The following HM13 variants were observed in gnomAD, a reference collection of about 807,000 sequenced individuals.
HM13 encodes the protein signal peptide peptidase.
A neutral mutation model predicts 50.0 loss-of-function variants in HM13; 18 were observed. The ratio of observed to expected loss-of-function variants is 0.36; its 90% CI spans 0.25 to 0.53. The LOEUF (loss-of-function observed/expected upper bound fraction) is 0.53. Ranked by LOEUF, HM13 falls within the 20% of genes least tolerant of loss-of-function variation. The pLI is 0.90. For synonymous variants in HM13, 197 were observed against 232.6 expected (o/e 0.85, Z 1.39); for missense variants, 393 against 552.4 (o/e 0.71, Z 2.89).
chr20:31,548,758 C>A, intron 4 of HM13: 1 of 500,000 alleles, frequency 2.0e-6, no homozygotes, highest in South Asian at 2.6e-5. Context: ...GCTTCTAACA[C>A]CAAAGACCAC....
chr20:31,538,781 C>G (rs1161199921), intron 3 of HM13: 17 of 427,222 alleles, frequency 4.0e-5, no homozygotes, highest in Non-Finnish European at 5.0e-5. Context: ...GCCTCAATTT[C>G]CTGGTGAATG....
chr20:31,528,628 G>A lies in HM13; in HGVS notation c.282+1046G>A, dbSNP rs746070659. Among the ~76,000 whole-genome samples, 6 of 152,306 alleles carry A rather than the reference G, an allele frequency of 3.9e-5. No homozygotes were observed. The South Asian group carries it at 6.2e-4, about 16-fold the overall frequency. On this transcript the variant is annotated intron_variant, in intron 2 of 12. Transcript: ENST00000398174. ...TGAGTAGCTAGGATTACAGACGCGC[G>A]CCACCACGCCCAGCTAATTTTTGTA... is the stretch of plus-strand genomic sequence containing the variant.
Position 31,559,553 on chromosome 20 carries a change from G to A in HM13, c.809-58G>A. ...GTTGGGGACCAGGACCCAGTCTCCT[G>A]TTAGTTCACTGCCCTGCTGCTTCCC... On this transcript the variant is annotated intron_variant, in intron 8 of 12. Coordinates refer to ENST00000398174, the MANE Select transcript of HM13 (RefSeq NM_178581.3). The A allele has an allele frequency of 2.6e-6, 4 of 1,566,938 alleles. No individual in the cohort carries two copies. In the African/African-American group the frequency reaches 5.4e-5, roughly 21 times the overall value.
At chr20:31,551,156 T>G (rs981714449) in intron 7 of HM13, among the ~76,000 whole-genome samples, 1 of 152,184 alleles carries the variant, frequency 6.6e-6, no homozygotes, top group Non-Finnish European at 1.5e-5. Flanking sequence ...GGTTGAACCA[T>G]TTCAGATATG....
At chr20:31,558,407 A>G (rs979216999) in intron 8 of HM13, among the ~76,000 whole-genome samples, 14 of 150,484 alleles carry the variant, frequency 9.3e-5, no homozygotes, top group African/African-American at 3.4e-4. Context: ...TAAAGACCCA[A>G]CTCCTCCCCA....
At chr20:31,550,949 G>T (rs1984006994) in intron 7 of HM13, among the ~76,000 whole-genome samples, 1 of 152,102 alleles carries the variant, frequency 6.6e-6, no homozygotes, top group Non-Finnish European at 1.5e-5. Context: ...CTGCATTCCA[G>T]CCTGGATGAC....
At chr20:31,519,984 A>G (rs1339451812) in intron 1 of HM13, among the ~76,000 whole-genome samples, 4 of 151,314 alleles carry the variant, frequency 2.6e-5, no homozygotes. Flanking sequence ...AGTAGCTGGG[A>G]TTACAGGATT....
intron 2 of HM13, among the ~76,000 whole-genome samples, chr20:31,534,856 C>A (rs777431938): frequency 1.1e-4 from 16 of 152,010 alleles, no homozygotes; most frequent in Non-Finnish European, 2.4e-4. Flanking sequence ...GAGGCCGAGG[C>A]GGGCAGATCA....
At chr20:31,524,917 G>A (rs1476237978) in intron 1 of HM13, among the ~76,000 whole-genome samples, 2 of 151,816 alleles carry the variant, frequency 1.3e-5, no homozygotes, top group South Asian at 2.1e-4. Flanking sequence ...GTTTCACCAC[G>A]TTAGCCAGGA....
intron 8 of HM13, among the ~76,000 whole-genome samples, chr20:31,558,614 C>G (rs559123473): frequency 6.6e-6 from 1 of 152,338 alleles, no homozygotes; most frequent in South Asian, 2.1e-4. Flanking sequence ...CCCTGCCCAG[C>G]CTAGGTCTCA....
At chr20:31,536,700 TA>T (rs2122586352) in intron 2 of HM13, among the ~76,000 whole-genome samples, 1 of 152,254 alleles carries the variant, frequency 6.6e-6, no homozygotes, top group African/African-American at 2.4e-5. Flanking sequence ...AGGCCCTCTG[TA>T]GTCCCTGCAC....
intron 10 of HM13, among the ~76,000 whole-genome samples, chr20:31,565,812 G>A (rs915346002): frequency 6.6e-6 from 1 of 152,150 alleles, no homozygotes; most frequent in Non-Finnish European, 1.5e-5. Flanking sequence ...AGCAGCTGTG[G>A]TGTCATCATC....
rs1984623216 is a variant in HM13, at chr20:31,561,676, A to G, written c.888A>G (p.Ala296=). ...ACACCTACTTCTACACCAGCTTTGC[A>G]GCCTACATCTTCGGCCTGGGCCTTA... ...NTHTYFYTSF[A]AYIFGLGLTI... is the part of the protein sequence containing the mutation. The change falls in exon 10 of 13, where the codon GCA becomes GCG. Residue 296 remains alanine, a synonymous_variant. Transcript: ENST00000398174. 15 of 1,614,044 alleles carry G rather than the reference A, an allele frequency of 9.3e-6. No homozygotes were observed. Among genetic ancestry groups the G allele is most frequent in the Non-Finnish European group, 1.2e-5 (14 of 1,179,872 alleles).
intron 1 of HM13, among the ~76,000 whole-genome samples, chr20:31,519,912 A>G (rs1271471578): frequency 2.8e-5 from 4 of 143,910 alleles, no homozygotes; most frequent in African/African-American, 1.0e-4. Context: ...CGGTGGTGCC[A>G]TCTCAGCTCA....
In HM13 at chr20:31,556,630, C is replaced by T. The variant is rs566461065; in HGVS notation, c.808+1801C>T. ...CACTGTCCAACTGCAAAAAAGGCTA[C>T]GCTGTCAGAACTGCTCCTTACAGCA... On this transcript the variant is annotated intron_variant, in intron 8 of 12. Transcript: ENST00000398174. Among the ~76,000 whole-genome samples, 5 of 152,290 alleles carry T rather than the reference C, an allele frequency of 3.3e-5. No individual in the cohort carries two copies. The East Asian group carries it at 5.8e-4, about 18-fold the overall frequency.
At chr20:31,520,524 G>A (rs1343337437) in intron 1 of HM13, among the ~76,000 whole-genome samples, 2 of 151,620 alleles carry the variant, frequency 1.3e-5, no homozygotes, top group South Asian at 2.1e-4. Context: ...GGCTGGTCTC[G>A]AACTCTTGAC....
At chr20:31,549,371 G>A (rs370375714) in intron 6 of HM13, 39 bp downstream of exon 6, 4 of 1,612,992 alleles carry the variant, frequency 2.5e-6, no homozygotes, top group Non-Finnish European at 3.4e-6. Context: ...CTGGCTCCGG[G>A]GCCATCTCAT....
Position 31,569,250 on chromosome 20 carries a change from G to GCCCCC in HM13, c.*31_*32insCCCCC. ...CTGGTGCCCGAGCCTCTCAGGGCCA[G>GCCCCC]ACCAGACAGATGGGGGCTGGGCCCA... On this transcript the variant is annotated 3_prime_UTR_variant, in exon 13 of 13. Transcript: ENST00000398174. 7.0e-7 allele frequency: 1 copy of GCCCCC among 1,437,152 alleles called. No individual in the cohort carries two copies. The highest frequency in any genetic ancestry group is 1.5e-5 in the African/African-American group (1 of 68,744). 89.0% of individuals were successfully genotyped at this position (1,437,152 alleles called of 1,614,324 possible).
intron 1 of HM13, among the ~76,000 whole-genome samples, chr20:31,519,618 G>C (rs934167572): frequency 6.6e-6 from 1 of 152,168 alleles, no homozygotes; most frequent in Non-Finnish European, 1.5e-5. Context: ...TGAATCAGAA[G>C]CTCAAGGTGG....
Sources: allele counts gnomAD v4.1 joint callset (sites outside exome capture counted in the v4.1 genomes callset), GRCh38; gene constraint gnomAD v4.1.1; transcripts MANE v1.5; gene names NCBI Gene and HGNC (gene_info 2026-07-23, HGNC 2026-07-21).